The following SPAG16 variants were observed in gnomAD, a reference collection of about 807,000 sequenced individuals.
The protein encoded by SPAG16 is sperm associated antigen 16.
A neutral mutation model predicts 80.4 loss-of-function variants in SPAG16; 86 were observed. The observed-to-expected ratio is 1.07, with a 90% CI of 0.90 to 1.28. The LOEUF is 1.28. SPAG16 is among the 50% of genes most tolerant of loss of function. The pLI is 0.00. For missense variants in SPAG16, 870 were observed against 765.3 expected, an observed-to-expected ratio of 1.14 and a Z score of -1.61; for synonymous variants, 294 against 265.9, an observed-to-expected ratio of 1.11 and a Z score of -1.03.
chr2:213,913,963 A>C lies in SPAG16; in HGVS notation c.1215-15997A>C, dbSNP rs919532839. On this transcript the variant is annotated intron_variant, in intron 11 of 15. Coordinates refer to ENST00000331683, the MANE Select transcript of SPAG16 (RefSeq NM_024532.5). Reference sequence around the variant, plus strand: ...GAAGCCCACTCATGTTGTAGAGAATAATCAGCTTTACTCAACATCTACTGA... The same window carrying C: ...GAAGCCCACTCATGTTGTAGAGAATCATCAGCTTTACTCAACATCTACTGA... Among the ~76,000 whole-genome samples the C allele has an allele frequency of 5.1e-4, 78 of 152,106 alleles. 1 individual carries two copies. The highest frequency in any genetic ancestry group is 1.2e-4 in the Non-Finnish European group (8 of 68,024).
chr2:214,142,707 T>C (rs2055424773), intron 14 of SPAG16, among the ~76,000 whole-genome samples: 1 of 152,180 alleles, frequency 6.6e-6, no homozygotes, highest in Non-Finnish European at 1.5e-5. Flanking sequence ...GTGGCAAGAC[T>C]GTGTGTTAAC....
At chr2:213,663,873 A>G (rs2063510508) in intron 10 of SPAG16, among the ~76,000 whole-genome samples, 2 of 152,080 alleles carry the variant, frequency 1.3e-5, no homozygotes, top group African/African-American at 4.8e-5. Context: ...AAAGTGGGAA[A>G]TTAAATTGTA....
At chr2:213,841,733 A>G (rs568094095) in intron 10 of SPAG16, among the ~76,000 whole-genome samples, 3 of 152,186 alleles carry the variant, frequency 2.0e-5, no homozygotes, top group Admixed American at 6.6e-5. Context: ...TGTTTATAGT[A>G]TCAAATTATA....
intron 9 of SPAG16, among the ~76,000 whole-genome samples, chr2:213,442,637 T>G (rs1416573797): frequency 1.3e-5 from 2 of 152,158 alleles, no homozygotes; most frequent in African/African-American, 2.4e-5. Context: ...TCAATTGATA[T>G]TTGACAAAGG....
In SPAG16 at chr2:214,115,458, A is replaced by G. The variant is rs75515791; in HGVS notation, c.1593+7197A>G. ...GTTGCATTTAGCTATTTACATAAAC[A>G]TAGTTTGGGGAAAATTCTACAATTT... On this transcript the variant is annotated intron_variant, in intron 14 of 15. Transcript: ENST00000331683. Among the ~76,000 whole-genome samples, 1,501 of 152,334 alleles carry G rather than the reference A, an allele frequency of 9.9e-3. 20 individuals are homozygous for G. The highest frequency in any genetic ancestry group is 0.014 in the Non-Finnish European group (971 of 68,034).
Position 213,400,414 on chromosome 2 carries a change from G to A in SPAG16, c.942+25295G>A, listed in dbSNP as rs371424746. ...TGTTCTTTGTCCTGTGGCTTATGTA[G>A]AGGACATTTTCAAATTTACATATGC... On this transcript the variant is annotated intron_variant, in intron 9 of 15. Transcript: ENST00000331683. Among the ~76,000 whole-genome samples the A allele has an allele frequency of 2.0e-4, 30 of 152,224 alleles. No homozygotes were observed. In the East Asian group the frequency reaches 4.4e-3, roughly 23 times the overall value.
At chr2:214,043,680 T>A (rs1055612909) in intron 13 of SPAG16, among the ~76,000 whole-genome samples, 7 of 152,326 alleles carry the variant, frequency 4.6e-5, no homozygotes, top group Admixed American at 4.6e-4. Context: ...GCAGACTTCA[T>A]GCCTTACGAT....
chr2:213,793,640 A>T (rs915472497), intron 10 of SPAG16, among the ~76,000 whole-genome samples: 1 of 152,200 alleles, frequency 6.6e-6, no homozygotes, highest in Non-Finnish European at 1.5e-5. Context: ...ACCTACATCT[A>T]TTGTAAGCAC....
intron 10 of SPAG16, among the ~76,000 whole-genome samples, chr2:213,661,484 G>A (rs1250013133): frequency 2.6e-5 from 4 of 152,116 alleles, no homozygotes; most frequent in Non-Finnish European, 5.9e-5. Context: ...TGCTAGGTGT[G>A]TACTCACCAG....
At chr2:213,988,127 G>T (rs985461390) in intron 12 of SPAG16, among the ~76,000 whole-genome samples, 9 of 151,898 alleles carry the variant, frequency 5.9e-5, no homozygotes, top group Admixed American at 4.6e-4. Context: ...CCAAGAGAGT[G>T]TTTTTAACCC....
intron 3 of SPAG16, among the ~76,000 whole-genome samples, chr2:213,307,139 T>C (rs988656392): frequency 2.0e-5 from 3 of 152,226 alleles, no homozygotes; most frequent in Admixed American, 1.3e-4. Flanking sequence ...CTCACCACTA[T>C]TGTGAATGTC....
chr2:213,440,190 G>A (rs372953440), intron 9 of SPAG16, among the ~76,000 whole-genome samples: 1 of 152,218 alleles, frequency 6.6e-6, no homozygotes, highest in East Asian at 1.9e-4. Context: ...ACTCAAAGAA[G>A]CACAAGTTGG....
At chr2:213,642,342 G>A (rs1180335394) in intron 10 of SPAG16, among the ~76,000 whole-genome samples, 1 of 152,162 alleles carries the variant, frequency 6.6e-6, no homozygotes, top group Non-Finnish European at 1.5e-5. Context: ...CTACAAGTTA[G>A]TCTTGTCTCC....
At chr2:213,490,338 C>A (rs1302472224) in intron 10 of SPAG16, among the ~76,000 whole-genome samples, 1 of 152,118 alleles carries the variant, frequency 6.6e-6, no homozygotes, top group Non-Finnish European at 1.5e-5. Context: ...TAAAAATGCA[C>A]AAATCATTTT....
chr2:214,027,586 C>G (rs1457858564), intron 13 of SPAG16, among the ~76,000 whole-genome samples: 1 of 151,692 alleles, frequency 6.6e-6, no homozygotes, highest in Non-Finnish European at 1.5e-5. Flanking sequence ...TTGACAATTC[C>G]TAGCTATATA....
chr2:213,799,557 G>C (rs551915162), intron 10 of SPAG16, among the ~76,000 whole-genome samples: 2 of 152,008 alleles, frequency 1.3e-5, no homozygotes, highest in African/African-American at 4.8e-5. Context: ...CTGACATTCT[G>C]ATGTAATTTT....
intron 15 of SPAG16, among the ~76,000 whole-genome samples, chr2:214,252,571 T>C (rs1020507170): frequency 6.6e-6 from 1 of 152,118 alleles, no homozygotes; most frequent in Non-Finnish European, 1.5e-5. Flanking sequence ...TTGTGTTCGT[T>C]TGCTGAGAAT....
chr2:213,949,179 T>TTTTTTTTTTTTTTTTTTTTGTTTTTTG (rs1553677674), intron 12 of SPAG16, among the ~76,000 whole-genome samples: 23 of 36,258 alleles, frequency 6.3e-4, no homozygotes, highest in African/African-American at 1.9e-3. Context: ...GTTTTTTTTT[T>TTTTTTTTTTTTTTTTTTTTGTTTTTTG]TTTTTTTTTT....
At chr2:213,758,139 C>T (rs1471531893) in intron 10 of SPAG16, 1 of 151,438 alleles carries the variant, frequency 6.6e-6, no homozygotes. Context: ...TTAGAAAAGA[C>T]AGTCTTTAAG....
Sources: allele counts gnomAD v4.1 joint callset (sites outside exome capture counted in the v4.1 genomes callset), GRCh38; gene constraint gnomAD v4.1.1; transcripts MANE v1.5; gene names NCBI Gene and HGNC (gene_info 2026-07-23, HGNC 2026-07-21).